CDK15: variants seen among roughly 807,000 people sequenced by gnomAD.
CDK15 encodes cyclin-dependent kinase 15.
CDK15 carries 62 observed loss-of-function variants against 60.3 expected under a neutral mutation model. That is an observed-to-expected ratio of 1.03 (90% CI 0.84 to 1.27). The LOEUF is 1.27. Ranked by LOEUF, CDK15 falls within the 50% of genes most tolerant of loss-of-function variation. CDK15 has a pLI of 0.00. For missense variants in CDK15, 541 were observed against 527.8 expected (o/e 1.03, Z -0.25); for synonymous variants, 194 against 195.7 (o/e 0.99, Z 0.07).
chr2:201,835,903 AT>A, intron 8 of CDK15, 140 bp downstream of exon 8: 1 of 226,582 alleles, frequency 4.4e-6, no homozygotes, highest in Non-Finnish European at 7.2e-6. Flanking sequence ...TATTTTATAT[AT>A]ATTTATATAG....
In CDK15 at chr2:201,832,501, C is replaced by T. The variant is rs540222103; in HGVS notation, c.607-1347C>T. Among the ~76,000 whole-genome samples, 13 of 152,208 alleles carry T rather than the reference C, an allele frequency of 8.5e-5. No individual in the cohort carries two copies. The East Asian group carries it at 9.6e-4, about 11-fold the overall frequency. On this transcript the variant is annotated intron_variant, in intron 6 of 13. Coordinates refer to ENST00000652192, the MANE Select transcript of CDK15 (RefSeq NM_001366386.2). ...TAGGAATTTTGTGCTATGGAAGCTT[C>T]GTGGCTTGGTGAATGGTAAAATGAA...
rs558323162 is a variant in CDK15 at position 201,894,717 on chromosome 2, C to A, written c.*1450C>A. 1.3e-5 allele frequency: 2 copies of A among 152,280 alleles called. No homozygotes were observed. The highest frequency in any genetic ancestry group is 2.1e-4 in the South Asian group (1 of 4,810). The allele number at this position is 152,280 out of a possible 1,614,324, so 9.4% of individuals were successfully genotyped here. On this transcript the variant is annotated 3_prime_UTR_variant, in exon 14 of 14. Transcript: ENST00000652192. ...AAGTTAGGTAACTCCTTCATAGTAG[C>A]ATGCCAGAGTGAAGATGCAAACCTC...
At chr2:201,862,193 C>T (rs537002692) in intron 10 of CDK15, among the ~76,000 whole-genome samples, 2 of 152,324 alleles carry the variant, frequency 1.3e-5, no homozygotes, top group East Asian at 3.9e-4. Flanking sequence ...CCACTCTGTA[C>T]CCACAGGGCC....
chr2:201,807,631 G>A lies in CDK15; in HGVS notation c.261G>A (p.Gln87=). Residue 87 remains glutamine (Q), a synonymous_variant, in exon 2 of 14, where the codon CAG becomes CAA. Coordinates refer to ENST00000652192, the MANE Select transcript of CDK15 (RefSeq NM_001366386.2). ...GTTTTCAGGAAGAGGATCTGAGGCAGGGTTTTCAGTGGGTGAGTGAGCAGC... is the reference window on the plus strand; with the variant it reads ...GTTTTCAGGAAGAGGATCTGAGGCAAGGTTTTCAGTGGGTGAGTGAGCAGC... The part of the protein sequence containing the change: ...SDCFQEEDLR[Q]GFQWRKSLPF... 15 of 1,614,160 alleles carry A rather than the reference G, an allele frequency of 9.3e-6. No individual in the cohort carries two copies. Among genetic ancestry groups the A allele is most frequent in the Non-Finnish European group, 1.3e-5 (15 of 1,180,020 alleles).
intron 4 of CDK15, among the ~76,000 whole-genome samples, chr2:201,814,446 GT>G (rs1695907617): frequency 6.6e-6 from 1 of 152,166 alleles, no homozygotes; most frequent in African/African-American, 2.4e-5. Context: ...AACAATGAAT[GT>G]TTCTTTTTAC....
At chr2:201,844,295 T>C (rs1365189064) in intron 8 of CDK15, among the ~76,000 whole-genome samples, 1 of 152,224 alleles carries the variant, frequency 6.6e-6, no homozygotes, top group Non-Finnish European at 1.5e-5. Flanking sequence ...AAAGTGCATG[T>C]GGCGAAGTCA....
chr2:201,861,275 A>G, intron 10 of CDK15: 1 of 995,496 alleles, frequency 1.0e-6, no homozygotes, highest in Non-Finnish European at 1.2e-6. Flanking sequence ...TAATCCTATT[A>G]CTGCCTGCCA....
chr2:201,812,173 C>CAAGAA (rs1695800590), intron 3 of CDK15, among the ~76,000 whole-genome samples: 1 of 96,820 alleles, frequency 1.0e-5, no homozygotes, highest in African/African-American at 3.6e-5. Flanking sequence ...GATTCTGTCT[C>CAAGAA]AAAAAAAAAA....
At chr2:201,812,354 G>A (rs1187899423) in intron 3 of CDK15, 129 bp from the exon 4 acceptor site, 7 of 553,806 alleles carry the variant, frequency 1.3e-5, no homozygotes, top group Non-Finnish European at 2.3e-5. Context: ...TTTTTATTTT[G>A]AGAAAATTAT....
intron 9 of CDK15, among the ~76,000 whole-genome samples, chr2:201,850,765 A>G (rs1490240228): frequency 6.6e-6 from 1 of 152,188 alleles, no homozygotes; most frequent in Admixed American, 6.5e-5. Flanking sequence ...TCAGTGTGCA[A>G]ATGCTCCCTT....
At chr2:201,888,124 A>C (rs1307475069) in intron 12 of CDK15, among the ~76,000 whole-genome samples, 1 of 140,430 alleles carries the variant, frequency 7.1e-6, no homozygotes, top group Non-Finnish European at 1.5e-5. Flanking sequence ...GTGAAAGGTT[A>C]TTTAGCCCCT....
intron 10 of CDK15, among the ~76,000 whole-genome samples, chr2:201,866,623 T>C (rs1698643088): frequency 6.6e-6 from 1 of 152,214 alleles, no homozygotes; most frequent in Non-Finnish European, 1.5e-5. Context: ...TTTACTCTTG[T>C]CTTTGGAAGG....
At chr2:201,862,335 A>G (rs574728507) in intron 10 of CDK15, among the ~76,000 whole-genome samples, 2 of 152,156 alleles carry the variant, frequency 1.3e-5, no homozygotes, top group African/African-American at 4.8e-5. Flanking sequence ...AGAGTGCTGA[A>G]GTTTTCTACA....
intron 8 of CDK15, among the ~76,000 whole-genome samples, chr2:201,836,430 G>A (rs1050695758): frequency 1.3e-4 from 19 of 151,272 alleles, no homozygotes; most frequent in African/African-American, 4.6e-4. Context: ...CCTGCCCAAG[G>A]CATCTTCTGA....
chr2:201,853,856 T>C (rs1698016805), intron 9 of CDK15, among the ~76,000 whole-genome samples: 1 of 152,118 alleles, frequency 6.6e-6, no homozygotes, highest in Non-Finnish European at 1.5e-5. Context: ...AACTAAAAAC[T>C]GGGGCTTTAA....
intron 6 of CDK15, chr2:201,824,586 C>T: frequency 3.5e-6 from 1 of 288,140 alleles, no homozygotes; most frequent in Non-Finnish European, 6.8e-6. Flanking sequence ...GCCAAATATA[C>T]AGCCTTAAAA....
At position 201,812,605 on chromosome 2, in the gene CDK15, C is replaced by T. The variant is rs753753149; in HGVS notation, c.448+43C>T. ...GGACCCAATAGATCTGTTTTGAGTC[C>T]TTGATTTGGTAAAAAATGTATTGCA... On this transcript the variant is annotated intron_variant, in intron 4 of 13. Coordinates refer to ENST00000652192, the MANE Select transcript of CDK15 (RefSeq NM_001366386.2). The T allele has an allele frequency of 3.0e-6, 4 of 1,355,252 alleles. No homozygotes were observed. In the East Asian group the frequency reaches 7.0e-5, roughly 24 times the overall value. The allele number at this position is 1,355,252 out of a possible 1,614,324, so 84.0% of individuals were successfully genotyped here.
chr2:201,893,342 A>G lies in CDK15; in HGVS notation c.*75A>G, dbSNP rs1486262763. On this transcript the variant is annotated 3_prime_UTR_variant, in exon 14 of 14. Transcript: ENST00000652192. ...TTTCGGTTTTCATTTGCTTCAGCTT[A>G]CTAAGAAGCTTCAAATCTAACTCCA... 6.6e-6 allele frequency: 1 copy of G among 152,182 alleles called. No individual in the cohort carries two copies. The highest frequency in any genetic ancestry group is 1.5e-5 in the Non-Finnish European group (1 of 68,048). The allele number at this position is 152,182 out of a possible 1,614,324, so 9.4% of individuals were successfully genotyped here.
Position 201,850,377 on chromosome 2 carries a change from A to G in CDK15, c.945+2903A>G, listed in dbSNP as rs139181336. 6.6e-5 allele frequency among the ~76,000 whole-genome samples: 10 copies of G among 152,346 alleles called. No individual in the cohort carries two copies. In the East Asian group the frequency reaches 1.9e-3, roughly 29 times the overall value. On this transcript the variant is annotated intron_variant, in intron 9 of 13. Transcript: ENST00000652192. The stretch of plus-strand genomic sequence containing the variant: ...TTCTTTAGTGTTCAGTTAGCACAGC[A>G]CTTAGAAATCATAGAATAAAGTGAG...
Sources: allele counts gnomAD v4.1 joint callset (sites outside exome capture counted in the v4.1 genomes callset), GRCh38; gene constraint gnomAD v4.1.1; transcripts MANE v1.5; gene names NCBI Gene and HGNC (gene_info 2026-07-23, HGNC 2026-07-21).